Variants in FRMD4A observed in about 807,000 individuals in gnomAD.
FRMD4A encodes FERM domain containing 4A.
In FRMD4A, 29 loss-of-function variants were observed where a neutral mutation model predicts 129.1. The observed-to-expected ratio is 0.22, with a 90% CI of 0.17 to 0.31. The LOEUF (loss-of-function observed/expected upper bound fraction) is 0.31, where lower values mean the gene tolerates loss of function less well. Ranked by LOEUF, FRMD4A falls within the 10% of genes least tolerant of loss-of-function variation. FRMD4A has a pLI of 1.00. For synonymous variants in FRMD4A, 634 were observed against 571.6 expected, an observed-to-expected ratio of 1.11 and a Z score of -1.56; for missense variants, 1,272 against 1,375.8, an observed-to-expected ratio of 0.92 and a Z score of 1.19.
intron 2 of FRMD4A, among the ~76,000 whole-genome samples, chr10:13,859,858 G>A (rs918509099): frequency 2.0e-5 from 3 of 152,172 alleles, no homozygotes; most frequent in African/African-American, 7.2e-5. Context: ...TCTCTGAGTG[G>A]TATAACAGGA....
intron 8 of FRMD4A, among the ~76,000 whole-genome samples, chr10:13,752,514 T>C (rs918620767): frequency 3.9e-5 from 6 of 152,202 alleles, no homozygotes; most frequent in Non-Finnish European, 7.3e-5. Context: ...TGGGAGAAAC[T>C]TGGGACGAAC....
intron 2 of FRMD4A, among the ~76,000 whole-genome samples, chr10:14,281,320 G>A (rs1845513758): frequency 6.6e-6 from 1 of 152,118 alleles, no homozygotes; most frequent in African/African-American, 2.4e-5. Context: ...AAGAAATTAG[G>A]GCACAGACTG....
intron 2 of FRMD4A, among the ~76,000 whole-genome samples, chr10:13,899,291 T>G (rs1483068039): frequency 1.3e-5 from 2 of 152,228 alleles, no homozygotes; most frequent in African/African-American, 4.8e-5. Flanking sequence ...GAGTATGTAC[T>G]CTGTATTAGG....
At chr10:13,656,587 G>T in intron 22 of FRMD4A, 49 bp downstream of exon 22, 6 of 1,342,582 alleles carry the variant, frequency 4.5e-6, no homozygotes, top group Non-Finnish European at 5.8e-6. Flanking sequence ...ACACCGGCAA[G>T]CAGTTCGCCC....
intron 2 of FRMD4A, among the ~76,000 whole-genome samples, chr10:13,954,359 A>G (rs2095394903): frequency 6.6e-6 from 1 of 152,210 alleles, no homozygotes; most frequent in African/African-American, 2.4e-5. Flanking sequence ...CATGTCTTAC[A>G]TGGCAGCAGG....
chr10:14,140,748 A>T (rs1023302869), intron 2 of FRMD4A, among the ~76,000 whole-genome samples: 2 of 152,154 alleles, frequency 1.3e-5, no homozygotes, highest in Non-Finnish European at 2.9e-5. Context: ...ATGGAGAGGA[A>T]TATCCTTCAC....
chr10:14,021,490 G>A (rs182271143), intron 2 of FRMD4A, among the ~76,000 whole-genome samples: 4 of 152,224 alleles, frequency 2.6e-5, no homozygotes, highest in East Asian at 1.9e-4. Context: ...CCAGGAGGTC[G>A]AGGCTGCAGT....
chr10:13,967,797 G>GTGA, intron 2 of FRMD4A, among the ~76,000 whole-genome samples: 1 of 152,238 alleles, frequency 6.6e-6, no homozygotes, highest in African/African-American at 2.4e-5. Context: ...TATAATGCCA[G>GTGA]CACTCTGGGA....
At chr10:13,834,147 C>T (rs533323267) in intron 3 of FRMD4A, among the ~76,000 whole-genome samples, 53 of 152,142 alleles carry the variant, frequency 3.5e-4, no homozygotes, top group African/African-American at 1.1e-3. Context: ...GACTGTAATT[C>T]CAGCTACTTG....
chr10:14,141,661 C>T (rs1839842895), intron 2 of FRMD4A, among the ~76,000 whole-genome samples: 1 of 152,088 alleles, frequency 6.6e-6, no homozygotes. Context: ...CCCTGTCCTT[C>T]GATGATCACT....
Position 13,697,827 on chromosome 10 carries a change from C to T in FRMD4A, c.975+3513G>A, listed in dbSNP as rs368721423. Among the ~76,000 whole-genome samples the T allele has an allele frequency of 2.2e-4, 34 of 152,258 alleles. No homozygotes were observed. In the East Asian group the frequency reaches 4.4e-3, roughly 20 times the overall value. ...GTTCAGAGGGAAAAGTGTCTAATGTCGACTCTAAACATTTTGAACTTTCAA... is the reference window on the plus strand; with the variant it reads ...GTTCAGAGGGAAAAGTGTCTAATGTTGACTCTAAACATTTTGAACTTTCAA... On this transcript the variant is annotated intron_variant, in intron 14 of 24. Transcript: ENST00000357447.
At chr10:13,863,604 A>G (rs2094322963) in intron 2 of FRMD4A, among the ~76,000 whole-genome samples, 1 of 152,138 alleles carries the variant, frequency 6.6e-6, no homozygotes, top group South Asian at 2.1e-4. Context: ...AATAAAAATA[A>G]AAAACAAATG....
intron 6 of FRMD4A, among the ~76,000 whole-genome samples, chr10:13,766,307 G>C (rs896189615): frequency 6.6e-6 from 1 of 152,292 alleles, no homozygotes; most frequent in African/African-American, 2.4e-5. Context: ...GGTTAAGTGA[G>C]AACTGGCACC....
chr10:13,725,908 A>T (rs945694384), intron 12 of FRMD4A, among the ~76,000 whole-genome samples: 5 of 152,220 alleles, frequency 3.3e-5, no homozygotes, highest in African/African-American at 1.2e-4. Flanking sequence ...AGAAAATTAG[A>T]CTACATCTAT....
rs1025132659 is a variant in FRMD4A at position 13,695,228 on chromosome 10, C to T, written c.976-1189G>A. Among the ~76,000 whole-genome samples, 4 of 152,020 alleles carry T rather than the reference C, an allele frequency of 2.6e-5. 1 individual carries two copies. Among genetic ancestry groups the T allele is most frequent in the East Asian group, 1.9e-4 (1 of 5,190 alleles). ...CAGTCTTGACTCTCTGCAACCTCTG[C>T]CTCCTGGGTTGAAGTGGTTTTCCTG... On this transcript the variant is annotated intron_variant, in intron 14 of 24. Transcript: ENST00000357447.
chr10:13,999,485 C>A (rs2095634178), intron 2 of FRMD4A, among the ~76,000 whole-genome samples: 1 of 152,180 alleles, frequency 6.6e-6, no homozygotes, highest in East Asian at 1.9e-4. Flanking sequence ...ATACTTCTAA[C>A]CCTTATTGGT....
At position 13,689,211 on chromosome 10, in the gene FRMD4A, G is replaced by T. The variant is rs991936654; in HGVS notation, c.1117+4687C>A. Among the ~76,000 whole-genome samples, 7 of 38,048 alleles carry T rather than the reference G, an allele frequency of 1.8e-4. 3 individuals are homozygous for T. Among genetic ancestry groups the T allele is most frequent in the African/African-American group, 2.8e-4 (2 of 7,132 alleles). 25.0% of individuals were successfully genotyped at this position (38,048 alleles called of 152,430 possible). On this transcript the variant is annotated intron_variant, in intron 15 of 24. Coordinates refer to ENST00000357447, the MANE Select transcript of FRMD4A (RefSeq NM_018027.5). ...ACAAACTCTTTGCGGGGGGGGGGGG[G>T]GGGGGGGGGAGGGCTATAACTTTGT...
chr10:14,172,405 G>A (rs1277385402), intron 2 of FRMD4A, among the ~76,000 whole-genome samples: 4 of 152,152 alleles, frequency 2.6e-5, no homozygotes, highest in Non-Finnish European at 5.9e-5. Context: ...CTGACTCACT[G>A]ACATCCATTT....
intron 2 of FRMD4A, among the ~76,000 whole-genome samples, chr10:14,100,001 C>A (rs1283454256): frequency 1.3e-5 from 2 of 152,282 alleles, no homozygotes; most frequent in Middle Eastern, 3.4e-3. Flanking sequence ...TCTGTCCCTG[C>A]CATTTATACA....
Sources: allele counts gnomAD v4.1 joint callset (sites outside exome capture counted in the v4.1 genomes callset), GRCh38; gene constraint gnomAD v4.1.1; transcripts MANE v1.5; gene names NCBI Gene and HGNC (gene_info 2026-07-23, HGNC 2026-07-21).